LRRC28: variants seen among roughly 807,000 people sequenced by gnomAD.
LRRC28 encodes the protein leucine-rich repeat-containing protein 28.
In LRRC28, 39 loss-of-function variants were observed where a neutral mutation model predicts 45.7. The observed-to-expected ratio is 0.85, with a 90% CI of 0.66 to 1.12. The LOEUF (loss-of-function observed/expected upper bound fraction) is 1.12, where lower values mean the gene tolerates loss of function less well. Ranked by LOEUF, LRRC28 falls within the 50% of genes most tolerant of loss-of-function variation. The probability of loss-of-function intolerance (pLI) is 0.00; values close to 1 mark genes in which losing one functional copy is unlikely to be tolerated. For missense variants in LRRC28, 435 were observed against 438.5 expected, an observed-to-expected ratio of 0.99 and a Z score of 0.07; for synonymous variants, 206 against 178.8, an observed-to-expected ratio of 1.15 and a Z score of -1.22.
rs147513639 is a variant in LRRC28, at chr15:99,369,776, G to A, written c.1031+6511G>A. On this transcript the variant is annotated intron_variant, in intron 9 of 9. Transcript: ENST00000301981. ...GTTGACACATAAAATTAACTAAAAG[G>A]TCTTACTTTAATCACCAGGGTATTT... 9.5e-3 allele frequency among the ~76,000 whole-genome samples: 1,448 copies of A among 152,236 alleles called. 16 individuals carry two copies. The highest frequency in any genetic ancestry group is 0.017 in the Middle Eastern group (5 of 294).
chr15:99,258,391 T>C, intron 2 of LRRC28: 2 of 1,014,996 alleles, frequency 2.0e-6, no homozygotes, highest in South Asian at 2.6e-5. Flanking sequence ...AAGCATTTGA[T>C]TACCTTGCAT....
At chr15:99,258,291 A>G in intron 2 of LRRC28, 1 of 1,537,530 alleles carries the variant, frequency 6.5e-7, no homozygotes, top group Non-Finnish European at 9.0e-7. Flanking sequence ...TACATCTGGG[A>G]GTCTGAATCC....
At chr15:99,353,812 A>G (rs1032015691) in intron 7 of LRRC28, 1 of 152,218 alleles carries the variant, frequency 6.6e-6, no homozygotes, top group Non-Finnish European at 1.5e-5. Context: ...AGCTTTTAAG[A>G]AAAAGTGCCT....
intron 2 of LRRC28, among the ~76,000 whole-genome samples, chr15:99,270,007 A>T (rs2081432523): frequency 6.6e-6 from 1 of 152,204 alleles, no homozygotes; most frequent in South Asian, 2.1e-4. Flanking sequence ...TCTGTTGATA[A>T]ATATTGCTCT....
intron 3 of LRRC28, among the ~76,000 whole-genome samples, 180 bp downstream of exon 3, chr15:99,276,796 C>G (rs2081629145): frequency 6.6e-6 from 1 of 152,096 alleles, no homozygotes; most frequent in Non-Finnish European, 1.5e-5. Flanking sequence ...AGTATTTAAC[C>G]ATTTAAAATT....
At chr15:99,288,525 G>A (rs1187160868) in intron 5 of LRRC28, among the ~76,000 whole-genome samples, 4 of 151,902 alleles carry the variant, frequency 2.6e-5, no homozygotes, top group Non-Finnish European at 2.9e-5. Context: ...GAGATTACAG[G>A]CGCGTGCCAC....
intron 3 of LRRC28, among the ~76,000 whole-genome samples, chr15:99,278,787 C>T (rs1387859584): frequency 6.6e-6 from 1 of 152,206 alleles, no homozygotes; most frequent in Non-Finnish European, 1.5e-5. Context: ...GCCTTTGCCT[C>T]CAGGTCTCTT....
intron 9 of LRRC28, among the ~76,000 whole-genome samples, chr15:99,379,084 G>A (rs4471660): frequency 0.35 from 53,786 of 151,628 alleles, 10,449 homozygotes; most frequent in African/African-American, 0.53. Flanking sequence ...CCCTTTTTCT[G>A]TTGATTGGAA....
intron 5 of LRRC28, among the ~76,000 whole-genome samples, chr15:99,331,101 C>T (rs1208610563): frequency 6.6e-6 from 1 of 152,046 alleles, no homozygotes; most frequent in Non-Finnish European, 1.5e-5. Context: ...CCCCATTTTA[C>T]AATAACGCAA....
At chr15:99,298,105 G>C (rs2082312211) in intron 5 of LRRC28, among the ~76,000 whole-genome samples, 6 of 151,922 alleles carry the variant, frequency 3.9e-5, no homozygotes, top group Non-Finnish European at 1.5e-5. Flanking sequence ...GAAAGCCTCT[G>C]CCATCAATCA....
At chr15:99,332,703 C>A (rs756061971) in intron 5 of LRRC28, among the ~76,000 whole-genome samples, 8 of 152,246 alleles carry the variant, frequency 5.3e-5, no homozygotes, top group Admixed American at 2.6e-4. Flanking sequence ...GGCCTGTGAG[C>A]CATAGTTTAC....
intron 7 of LRRC28, among the ~76,000 whole-genome samples, chr15:99,360,634 T>C (rs1254040287): frequency 6.6e-6 from 1 of 152,204 alleles, no homozygotes; most frequent in Non-Finnish European, 1.5e-5. Flanking sequence ...CCAAGGTTTG[T>C]TGGCCAGCTG....
intron 5 of LRRC28, among the ~76,000 whole-genome samples, chr15:99,323,032 C>T (rs1955852482): frequency 6.6e-6 from 1 of 152,154 alleles, no homozygotes; most frequent in African/African-American, 2.4e-5. Context: ...CTCACAATTT[C>T]TGGTCCATGA....
chr15:99,270,284 A>G (rs955016200), intron 2 of LRRC28, among the ~76,000 whole-genome samples: 2 of 152,216 alleles, frequency 1.3e-5, no homozygotes, highest in South Asian at 2.1e-4. Context: ...GGTGAAACTG[A>G]CATAACATAA....
intron 2 of LRRC28, among the ~76,000 whole-genome samples, chr15:99,271,235 G>A (rs945553998): frequency 6.6e-6 from 1 of 151,706 alleles, no homozygotes; most frequent in Non-Finnish European, 1.5e-5. Context: ...TTCTTGTAGT[G>A]GCCTGTAATA....
At chr15:99,286,322 G>T (rs2081958366) in intron 3 of LRRC28, among the ~76,000 whole-genome samples, 1 of 152,124 alleles carries the variant, frequency 6.6e-6, no homozygotes. Flanking sequence ...AGTAGAGATG[G>T]GGTTTCACCT....
intron 5 of LRRC28, among the ~76,000 whole-genome samples, chr15:99,291,690 C>T (rs2082126382): frequency 1.3e-5 from 2 of 152,158 alleles, no homozygotes; most frequent in Non-Finnish European, 2.9e-5. Context: ...TCTTTGTTGT[C>T]ATTGAAAAGC....
intron 9 of LRRC28, among the ~76,000 whole-genome samples, chr15:99,367,105 C>G (rs1957361129): frequency 6.6e-6 from 1 of 152,204 alleles, no homozygotes; most frequent in East Asian, 1.9e-4. Flanking sequence ...GGGCTCAGTC[C>G]CACAAGACTG....
rs745717934 is a variant in LRRC28 at position 99,386,060 on chromosome 15, C to G, written c.1062C>G (p.Cys354Trp). The change falls in exon 10 of 10, where the codon TGC (cysteine) becomes TGG (tryptophan). Residue 354 changes from cysteine (C) to tryptophan (W), a missense_variant. Transcript: ENST00000301981. ...CAACTGTTAGTTTTGTGGCTTACTG[C>G]TGCTCCACCCAGTGTCTGCAGACTT... is the stretch of plus-strand genomic sequence containing the variant. ...WKTTVSFVAY[C>W]CSTQCLQTFD... The G allele has an allele frequency of 1.4e-5, 23 of 1,614,032 alleles. No individual in the cohort carries two copies. Among genetic ancestry groups the G allele is most frequent in the Non-Finnish European group, 1.8e-5 (21 of 1,180,028 alleles).
Sources: gnomAD v4.1 joint callset for allele counts (sites outside exome capture counted in the v4.1 genomes callset) on GRCh38, gnomAD v4.1.1 for gene constraint, MANE v1.5 for transcripts, NCBI Gene and HGNC (gene_info 2026-07-23, HGNC 2026-07-21) for gene names.